The following PAK1 variants were observed in gnomAD, a reference collection of about 807,000 sequenced individuals.
PAK1 encodes the protein serine/threonine-protein kinase PAK 1.
PAK1 carries 29 observed loss-of-function variants against 67.4 expected under a neutral mutation model. The observed-to-expected ratio is 0.43, with a 90% CI of 0.32 to 0.59. The LOEUF is 0.59. Ranked by LOEUF, PAK1 falls within the 20% of genes least tolerant of loss-of-function variation. The pLI is 0.07. For synonymous variants in PAK1, 223 were observed against 237.4 expected (o/e 0.94, Z 0.56); for missense variants, 337 against 670.7 (o/e 0.50, Z 5.50).
intron 5 of PAK1, among the ~76,000 whole-genome samples, chr11:77,372,647 C>G (rs1472692523): frequency 6.6e-6 from 1 of 152,136 alleles, no homozygotes; most frequent in Non-Finnish European, 1.5e-5. Flanking sequence ...TAAGATAAGT[C>G]AAACTCCTAC....
chr11:77,389,158 A>G (rs1950820138), intron 2 of PAK1, among the ~76,000 whole-genome samples: 1 of 152,140 alleles, frequency 6.6e-6, no homozygotes, highest in Non-Finnish European at 1.5e-5. Flanking sequence ...AATGCTGGAC[A>G]TTTCCTACAA....
intron 5 of PAK1, among the ~76,000 whole-genome samples, chr11:77,371,077 G>C (rs1217950848): frequency 6.6e-6 from 1 of 152,202 alleles, no homozygotes; most frequent in African/African-American, 2.4e-5. Flanking sequence ...ACCAAGAGCA[G>C]AGATCTTACT....
chr11:77,394,017 TG>T (rs1042808779), intron 1 of PAK1, among the ~76,000 whole-genome samples: 1 of 151,844 alleles, frequency 6.6e-6, no homozygotes, highest in African/African-American at 2.4e-5. Context: ...TAAATAAAGA[TG>T]GGGGGGATTT....
intron 2 of PAK1, among the ~76,000 whole-genome samples, chr11:77,391,068 T>G (rs139132426): frequency 0.013 from 1,973 of 152,296 alleles, 15 homozygotes; most frequent in Non-Finnish European, 0.017. Flanking sequence ...TGTTCCCTAT[T>G]GGGCTAATGA....
intron 1 of PAK1, among the ~76,000 whole-genome samples, chr11:77,412,501 C>CA (rs1311537513): frequency 6.6e-6 from 1 of 152,004 alleles, no homozygotes; most frequent in Non-Finnish European, 1.5e-5. Flanking sequence ...GATCTTGACT[C>CA]ACTGCAGCCT....
intron 8 of PAK1, among the ~76,000 whole-genome samples, chr11:77,352,480 C>T (rs751651988): frequency 5.3e-5 from 8 of 152,136 alleles, no homozygotes; most frequent in Admixed American, 1.3e-4. Flanking sequence ...CCCAGTAACA[C>T]TGTAGCAGTT....
intron 6 of PAK1, among the ~76,000 whole-genome samples, chr11:77,356,831 C>T (rs1946097866): frequency 1.3e-5 from 2 of 152,114 alleles, no homozygotes; most frequent in Admixed American, 6.5e-5. Context: ...GAAAGTGATA[C>T]ATGTTATAAA....
chr11:77,377,036 T>G (rs1048992618), intron 4 of PAK1, among the ~76,000 whole-genome samples: 1 of 152,060 alleles, frequency 6.6e-6, no homozygotes, highest in Admixed American at 6.5e-5. Flanking sequence ...CCCAGAACTG[T>G]GGGAAGCCAA....
chr11:77,437,375 C>T (rs993548396), intron 1 of PAK1, among the ~76,000 whole-genome samples: 2 of 152,142 alleles, frequency 1.3e-5, no homozygotes, highest in Non-Finnish European at 2.9e-5. Context: ...GTAAGAGTAC[C>T]TAACTTATAC....
intron 1 of PAK1, among the ~76,000 whole-genome samples, chr11:77,466,671 G>A (rs1957612805): frequency 6.6e-6 from 1 of 151,720 alleles, no homozygotes; most frequent in Non-Finnish European, 1.5e-5. Flanking sequence ...TCTGTAAAAT[G>A]AGTTAGCCAA....
At chr11:77,372,219 C>A (rs1948536599) in intron 5 of PAK1, among the ~76,000 whole-genome samples, 1 of 152,220 alleles carries the variant, frequency 6.6e-6, no homozygotes, top group African/African-American at 2.4e-5. Flanking sequence ...CTTAAAGCCT[C>A]TTCTTTAATA....
chr11:77,491,728 A>G, the PAK1 span, among the ~76,000 whole-genome samples: 13,079 of 152,106 alleles, frequency 0.086, 1,144 homozygotes, highest in African/African-American at 0.21. Flanking sequence ...ACATACCACC[A>G]GAGAAAATCA....
At chr11:77,474,678 G>A (rs1178256376), upstream of PAK1, 1 of 152,316 alleles carries the variant, frequency 6.6e-6, no homozygotes, top group East Asian at 1.9e-4. Context: ...TTCTGTGGGA[G>A]AGGGGGCAGG....
At position 77,460,323 on chromosome 11, in the gene PAK1, CTT is replaced by C. The variant is rs71043580; in HGVS notation, c.-22+13227_-22+13228del. ...CTGTGGCTATAAGGTTTTTTGTTTG[CTT>C]TTTTTTTTTTTTTTTTAAAGTTAAG... is the stretch of plus-strand genomic sequence containing the variant. On this transcript the variant is annotated intron_variant, in intron 1 of 14. Transcript: ENST00000356341. 4.4e-3 allele frequency among the ~76,000 whole-genome samples: 582 copies of C among 131,460 alleles called. 2 individuals carry two copies. Among genetic ancestry groups the C allele is most frequent in the Middle Eastern group, 7.4e-3 (2 of 270 alleles). 86.2% of individuals were successfully genotyped at this position (131,460 alleles called of 152,430 possible).
Position 77,379,942 on chromosome 11 carries a change from A to G in PAK1, c.243T>C (p.Phe81=). Residue 81 remains phenylalanine, a synonymous_variant, in exon 3 of 15, where the codon TTT becomes TTC. Coordinates refer to ENST00000356341, the MANE Select transcript of PAK1 (RefSeq NM_002576.5). ...ERPEISLPSD[F]EHTIHVGFDA... ...CAAAACCGACATGAATTGTGTGTTC[A>G]AAATCTGAAGGGAGAGAAATCTCTG... is the stretch of plus-strand genomic sequence containing the variant. The G allele has an allele frequency of 6.2e-7, 1 of 1,614,132 alleles. No individual in the cohort carries two copies. Among genetic ancestry groups the G allele is most frequent in the South Asian group, 1.1e-5 (1 of 91,080 alleles).
At chr11:77,343,299 TG>T (rs1943920888) in intron 10 of PAK1, among the ~76,000 whole-genome samples, 1 of 150,148 alleles carries the variant, frequency 6.7e-6, no homozygotes, top group African/African-American at 2.4e-5. Context: ...TTTAGTTGAC[TG>T]CAAACTTACT....
At chr11:77,469,684 A>G (rs914073653) in intron 1 of PAK1, among the ~76,000 whole-genome samples, 13 of 150,098 alleles carry the variant, frequency 8.7e-5, no homozygotes, top group African/African-American at 3.2e-4. Context: ...ATCTGTGAAG[A>G]GACTTTTTTT....
intron 1 of PAK1, among the ~76,000 whole-genome samples, chr11:77,402,636 C>G (rs989367567): frequency 1.3e-5 from 2 of 152,110 alleles, no homozygotes; most frequent in African/African-American, 2.4e-5. Context: ...CATAAAGGGG[C>G]CACTTCGTTC....
At chr11:77,335,774 A>G (rs1054437682) in intron 13 of PAK1, among the ~76,000 whole-genome samples, 3 of 152,180 alleles carry the variant, frequency 2.0e-5, no homozygotes, top group African/African-American at 4.8e-5. Context: ...CTGTTCCTCC[A>G]TTACTCTGTT....
Sources: gnomAD v4.1 joint callset for allele counts (sites outside exome capture counted in the v4.1 genomes callset) on GRCh38, gnomAD v4.1.1 for gene constraint, MANE v1.5 for transcripts, NCBI Gene and HGNC (gene_info 2026-07-23, HGNC 2026-07-21) for gene names.